The following FMNL2 variants were observed in gnomAD, a reference collection of about 807,000 sequenced individuals.
FMNL2 encodes formin-like protein 2.
In FMNL2, 51 loss-of-function variants were observed where a neutral mutation model predicts 130.2. The ratio of observed to expected loss-of-function variants is 0.39; its 90% CI spans 0.31 to 0.49. FMNL2 has a LOEUF of 0.49. Among genes scored for constraint, FMNL2 ranks in the 20% least tolerant of loss-of-function variants. The pLI is 0.85. For synonymous variants in FMNL2, 465 were observed against 467.1 expected (o/e 1.00, Z 0.06); for missense variants, 977 against 1,316.2 (o/e 0.74, Z 3.99).
chr2:152,602,724 G>T (rs1473482564), intron 9 of FMNL2, among the ~76,000 whole-genome samples: 2 of 152,194 alleles, frequency 1.3e-5, no homozygotes, highest in Non-Finnish European at 2.9e-5. Flanking sequence ...AATATAGAAT[G>T]TGTAATGATG....
chr2:152,486,480 T>A (rs1185252095), intron 1 of FMNL2, among the ~76,000 whole-genome samples: 3 of 152,228 alleles, frequency 2.0e-5, no homozygotes, highest in Non-Finnish European at 2.9e-5. Context: ...CTAGGATTAC[T>A]TGGAGAAAAG....
chr2:152,631,465 C>T (rs374858176), intron 20 of FMNL2, among the ~76,000 whole-genome samples: 4 of 150,154 alleles, frequency 2.7e-5, no homozygotes, highest in African/African-American at 9.8e-5. Flanking sequence ...CTGCAATAGG[C>T]GGCAGTTAAC....
chr2:152,481,420 C>CA (rs1211278479), intron 1 of FMNL2, among the ~76,000 whole-genome samples: 1 of 152,158 alleles, frequency 6.6e-6, no homozygotes, highest in African/African-American at 2.4e-5. Context: ...TTTCAACAGC[C>CA]AAAAAACAAC....
At chr2:152,604,460 A>G (rs1397515574) in intron 9 of FMNL2, among the ~76,000 whole-genome samples, 1 of 151,000 alleles carries the variant, frequency 6.6e-6, no homozygotes, top group Non-Finnish European at 1.5e-5. Flanking sequence ...CATTTAGTTT[A>G]GCGTGTGCCT....
rs200241926 is a variant in FMNL2 at position 152,601,293 on chromosome 2, T to C, written c.877-6046T>C. 1.8e-4 allele frequency among the ~76,000 whole-genome samples: 17 copies of C among 93,126 alleles called. No homozygotes were observed. In the East Asian group the frequency reaches 6.8e-3, roughly 37 times the overall value. 61.1% of individuals were successfully genotyped at this position (93,126 alleles called of 152,430 possible). Reference sequence around the variant, plus strand: ...ACCCTGATGGCTTTCTTTCTTTTCTTTTCTTTTTTCTTTTTTTTTTTTTTT... The same window carrying C: ...ACCCTGATGGCTTTCTTTCTTTTCTCTTCTTTTTTCTTTTTTTTTTTTTTT... On this transcript the variant is annotated intron_variant, in intron 9 of 25. Transcript: ENST00000288670.
intron 1 of FMNL2, among the ~76,000 whole-genome samples, chr2:152,458,720 GGTGATGCTGGTATAGGTGGCCCCAC>G (rs923308490): frequency 2.6e-5 from 4 of 152,172 alleles, no homozygotes; most frequent in African/African-American, 9.7e-5. Flanking sequence ...GGCCTCTGTG[GGTGATGCTGGTATAGGTGGCCCCAC>G]GTGATGCTGT....
At chr2:152,521,410 A>G (rs1693078442) in intron 1 of FMNL2, among the ~76,000 whole-genome samples, 1 of 152,222 alleles carries the variant, frequency 6.6e-6, no homozygotes, top group Non-Finnish European at 1.5e-5. Context: ...GTTGACATAA[A>G]TGTTAACATA....
At chr2:152,592,694 C>T (rs77042885) in intron 9 of FMNL2, among the ~76,000 whole-genome samples, 3,452 of 152,194 alleles carry the variant, frequency 0.023, 121 homozygotes, top group East Asian at 0.17. Context: ...TTCTTAGATG[C>T]ACCATCTGAG....
intron 6 of FMNL2, among the ~76,000 whole-genome samples, chr2:152,572,022 C>T (rs1696196779): frequency 6.6e-6 from 1 of 151,952 alleles, no homozygotes; most frequent in Non-Finnish European, 1.5e-5. Flanking sequence ...TTATTGTTAT[C>T]TAGGTGGACA....
At chr2:152,372,421 TCTTTATA>T (rs1331144362) in intron 1 of FMNL2, among the ~76,000 whole-genome samples, 1 of 152,234 alleles carries the variant, frequency 6.6e-6, no homozygotes, top group Non-Finnish European at 1.5e-5. Flanking sequence ...ATAGGTGCAT[TCTTTATA>T]TGGTTCATGG....
intron 1 of FMNL2, among the ~76,000 whole-genome samples, chr2:152,432,341 A>G (rs919759608): frequency 3.3e-5 from 5 of 152,310 alleles, no homozygotes; most frequent in East Asian, 1.9e-4. Context: ...TGATTTTGCA[A>G]TAATTCAAAG....
In FMNL2 at chr2:152,628,504, T is replaced by C. The variant is rs1338079098; in HGVS notation, c.2371T>C (p.Phe791Leu). Reference sequence around the variant, plus strand: ...GACCATCATGGCCTTCATTGGGAACTTTGCTGAAAGCATTCAGATGCTGAC... The same window carrying C: ...GACCATCATGGCCTTCATTGGGAACCTTGCTGAAAGCATTCAGATGCTGAC... ...KMTIMAFIGN[F>L]AESIQMLTPQ... is the part of the protein sequence containing the mutation. Residue 791 changes from phenylalanine to leucine, a missense_variant, in exon 18 of 26, where the codon TTT (phenylalanine) becomes CTT (leucine). Phe to Leu is a conservative substitution (Grantham distance 22, BLOSUM62 0). Transcript: ENST00000288670. 1 of 1,613,860 alleles carries C rather than the reference T, an allele frequency of 6.2e-7. No individual in the cohort carries two copies. Among genetic ancestry groups the C allele is most frequent in the African/African-American group, 1.3e-5 (1 of 74,918 alleles).
chr2:152,627,888 T>C (rs1305579726), intron 17 of FMNL2, among the ~76,000 whole-genome samples: 1 of 152,250 alleles, frequency 6.6e-6, no homozygotes, highest in Non-Finnish European at 1.5e-5. Flanking sequence ...TGTACTAATG[T>C]GTACAGTGTT....
At chr2:152,415,988 A>G (rs1049199726) in intron 1 of FMNL2, among the ~76,000 whole-genome samples, 4 of 152,182 alleles carry the variant, frequency 2.6e-5, no homozygotes, top group Non-Finnish European at 4.4e-5. Context: ...GCTCATGTGA[A>G]GTTTGGCATG....
intron 1 of FMNL2, among the ~76,000 whole-genome samples, chr2:152,412,222 G>A (rs1204583992): frequency 6.6e-6 from 1 of 151,828 alleles, no homozygotes; most frequent in African/African-American, 2.4e-5. Flanking sequence ...TGGAGCCAGA[G>A]CCTGATGAAA....
chr2:152,485,624 C>T (rs1156529237), intron 1 of FMNL2, among the ~76,000 whole-genome samples: 2 of 152,256 alleles, frequency 1.3e-5, no homozygotes, highest in Non-Finnish European at 2.9e-5. Context: ...TCTGATGGTT[C>T]TTTGAAAACT....
chr2:152,623,059 C>T (rs1014822819), intron 15 of FMNL2, among the ~76,000 whole-genome samples: 1 of 152,122 alleles, frequency 6.6e-6, no homozygotes, highest in Non-Finnish European at 1.5e-5. Context: ...GAAAACCTTT[C>T]CAAGGAGGAG....
intron 1 of FMNL2, among the ~76,000 whole-genome samples, chr2:152,383,912 A>G (rs568478313): frequency 6.6e-6 from 1 of 152,198 alleles, no homozygotes; most frequent in African/African-American, 2.4e-5. Context: ...CTGTATGTGC[A>G]TATTTTTCTA....
chr2:152,478,462 T>C (rs1295697933), intron 1 of FMNL2, among the ~76,000 whole-genome samples: 1 of 151,960 alleles, frequency 6.6e-6, no homozygotes, highest in Non-Finnish European at 1.5e-5. Flanking sequence ...GGTCTCAAAC[T>C]CCTGACCTCG....
Sources: gnomAD v4.1 joint callset for allele counts (sites outside exome capture counted in the v4.1 genomes callset) on GRCh38, gnomAD v4.1.1 for gene constraint, MANE v1.5 for transcripts, NCBI Gene and HGNC (gene_info 2026-07-23, HGNC 2026-07-21) for gene names.